ASMT: variants seen among roughly 807,000 people sequenced by gnomAD.
ASMT encodes the protein acetylserotonin N-methyltransferase.
In ASMT, 53 loss-of-function variants were observed where a neutral mutation model predicts 41.3. The observed-to-expected ratio is 1.28, with a 90% confidence interval of 1.03 to 1.61. The LOEUF is 1.61. Among genes scored for constraint, ASMT ranks in the 40% most tolerant of loss-of-function variants. The pLI is 0.00. For synonymous variants in ASMT, 231 were observed against 184.8 expected (o/e 1.25, Z -2.03); for missense variants, 531 against 441.3 (o/e 1.20, Z -1.82).
At chrX:1,623,113 C>A (rs751659544) in intron 1 of ASMT, 26 bp from the exon 2 acceptor site, 70 of 1,611,966 alleles carry the variant, frequency 4.3e-5, no homozygotes, top group Admixed American at 1.7e-4. Flanking sequence ...TGAGCCCTGA[C>A]CTTTTATTTC....
At chrX:1,634,940 A>G (rs1934902650) in intron 7 of ASMT, among the ~76,000 whole-genome samples, 1 of 148,960 alleles carries the variant, frequency 6.7e-6, no homozygotes, top group South Asian at 2.1e-4. Context: ...GCTGGGGATT[A>G]CAGGAGTGAG....
At chrX:1,625,551 A>AGGGAGGGTGGGAGGGAAAGGGG (rs1934504212) in intron 3 of ASMT, among the ~76,000 whole-genome samples, 1 of 65,288 alleles carries the variant, frequency 1.5e-5, no homozygotes, top group Non-Finnish European at 2.9e-5. Flanking sequence ...GAAGGGAGGG[A>AGGGAGGGTGGGAGGGAAAGGGG]GGGAGGGAGG....
Position 1,635,989 on chromosome X carries a change from G to T in ASMT, c.788-449G>T, listed in dbSNP as rs780117576. 4.8e-5 allele frequency among the ~76,000 whole-genome samples: 7 copies of T among 145,774 alleles called. No individual in the cohort carries two copies. The Admixed American group carries it at 4.9e-4, about 10-fold the overall frequency. ...TTTTTTTTTTTTTGGAGACAGTCTC[G>T]CTGTCGCCCAGGCTGGAGTGCAATG... On this transcript the variant is annotated intron_variant, in intron 7 of 8. Transcript: ENST00000381241.
chrX:1,622,257 G>T (rs1266516614), intron 1 of ASMT, among the ~76,000 whole-genome samples: 57 of 150,918 alleles, frequency 3.8e-4, no homozygotes, highest in Non-Finnish European at 6.8e-4. Flanking sequence ...CTCCCAAAGT[G>T]CTGGGATTAC....
intron 1 of ASMT, among the ~76,000 whole-genome samples, chrX:1,616,790 G>A (rs765935497): frequency 2.7e-5 from 4 of 150,016 alleles, no homozygotes; most frequent in African/African-American, 9.7e-5. Context: ...CTCACTGCAA[G>A]CTCCACCTCC....
Position 1,625,865 on chromosome X carries a change from A to G in ASMT, c.374+1467A>G, listed in dbSNP as rs753863123. 6.9e-3 allele frequency among the ~76,000 whole-genome samples: 1,044 copies of G among 150,426 alleles called. 11 individuals are homozygous for G. The highest frequency in any genetic ancestry group is 8.8e-3 in the Non-Finnish European group (597 of 67,772). Reference sequence around the variant, plus strand: ...GCTACTCGGAGAGGCTGAGGCAGGAAAATGGTGTGAACCCGGGAGGCGGAG... The same window carrying G: ...GCTACTCGGAGAGGCTGAGGCAGGAGAATGGTGTGAACCCGGGAGGCGGAG... On this transcript the variant is annotated intron_variant, in intron 3 of 8. Transcript: ENST00000381241.
At chrX:1,640,601 G>A (rs866740867) in intron 8 of ASMT, among the ~76,000 whole-genome samples, 2,440 of 23,530 alleles carry the variant, frequency 0.1, 97 homozygotes, top group Non-Finnish European at 0.15. Context: ...GAGGATGTGG[G>A]CACAGCCTCT....
chrX:1,628,276 G>C lies in ASMT; in HGVS notation c.443+505G>C, dbSNP rs191847746. On this transcript the variant is annotated intron_variant, in intron 4 of 8. Transcript: ENST00000381241. ...GCGGAGGTTGCGGTGATCTGAGATC[G>C]CACCACTGCACTCCAGCCTGGGCAA... Among the ~76,000 whole-genome samples, 917 of 152,242 alleles carry C rather than the reference G, an allele frequency of 6.0e-3. 10 individuals carry two copies. The highest frequency in any genetic ancestry group is 0.021 in the African/African-American group (878 of 41,530).
intron 3 of ASMT, 123 bp from the exon 4 acceptor site, chrX:1,627,580 C>T: frequency 2.0e-6 from 2 of 1,003,218 alleles, no homozygotes; most frequent in Non-Finnish European, 1.6e-6. Flanking sequence ...GAGATCGTGC[C>T]ATTGCACTCC....
intron 1 of ASMT, 134 bp from the exon 2 acceptor site, chrX:1,623,005 A>AAT: frequency 1.2e-6 from 1 of 810,486 alleles, no homozygotes. Context: ...TCTCAAAAAA[A>AAT]AAAATAAATA....
chrX:1,624,187 G>C, intron 2 of ASMT, 82 bp from the exon 3 acceptor site: 1 of 1,542,892 alleles, frequency 6.5e-7, no homozygotes, highest in Non-Finnish European at 9.0e-7. Flanking sequence ...TTGAAATCAC[G>C]ATGTTGTCGA....
intron 1 of ASMT, among the ~76,000 whole-genome samples, chrX:1,620,141 C>A (rs1414856807): frequency 4.9e-5 from 7 of 141,534 alleles, no homozygotes; most frequent in Admixed American, 4.3e-4. Flanking sequence ...GTTAATACAA[C>A]ATTAAAGAAC....
chrX:1,628,926 CTT>C (rs1304575371), intron 4 of ASMT, among the ~76,000 whole-genome samples: 2 of 120,852 alleles, frequency 1.7e-5, no homozygotes, highest in Admixed American at 1.7e-4. Context: ...CCGTTTCTCT[CTT>C]TCTTTCTCTC....
intron 1 of ASMT, among the ~76,000 whole-genome samples, chrX:1,619,456 G>A (rs1934257373): frequency 6.7e-6 from 1 of 150,058 alleles, no homozygotes; most frequent in Non-Finnish European, 1.5e-5. Context: ...CCTAATGTAG[G>A]TGACGGGTTG....
Position 1,636,451 on chromosome X carries a change from A to C in ASMT, c.801A>C (p.Lys267Asn). The C allele has an allele frequency of 6.2e-7, 1 of 1,613,868 alleles. No homozygotes were observed. Among genetic ancestry groups the C allele is most frequent in the Non-Finnish European group, 8.5e-7 (1 of 1,179,868 alleles). ...QIDFQEGDFF[K>N]DPLPEADLYI... ...CCTGTGTTCCAGGGGATTTCTTCAA[A>C]GACCCTCTTCCGGAAGCTGATCTGT... Residue 267 changes from lysine to asparagine, a missense_variant, in exon 8 of 9, where the codon AAA becomes AAC. Lys to Asn is a moderately conservative substitution (Grantham distance 94). Transcript: ENST00000381241.
At chrX:1,627,206 A>G (rs1266795802) in intron 3 of ASMT, among the ~76,000 whole-genome samples, 1 of 150,832 alleles carries the variant, frequency 6.6e-6, no homozygotes, top group Non-Finnish European at 1.5e-5. Context: ...GGTGCCTGTA[A>G]TCCCAGCTAC....
chrX:1,618,461 G>A (rs1259995389), intron 1 of ASMT, among the ~76,000 whole-genome samples: 1 of 151,238 alleles, frequency 6.6e-6, no homozygotes, highest in African/African-American at 2.4e-5. Flanking sequence ...ACTGCCTCTG[G>A]CTAATTTTTT....
chrX:1,615,822 A>C (rs1934073911), intron 1 of ASMT, among the ~76,000 whole-genome samples: 1 of 151,166 alleles, frequency 6.6e-6, no homozygotes, highest in African/African-American at 2.4e-5. Flanking sequence ...CAAACAAACA[A>C]CAAAAAAAAA....
At position 1,616,095 on chromosome X, in the gene ASMT, C is replaced by T. The variant is rs1190784540; in HGVS notation, c.69+827C>T. Among the ~76,000 whole-genome samples, 5 of 151,496 alleles carry T rather than the reference C, an allele frequency of 3.3e-5. No individual in the cohort carries two copies. The East Asian group carries it at 7.8e-4, about 24-fold the overall frequency. ...CCAGGCTGGAGTGCAGTGGCACGGT[C>T]TTGGCTCACTGCAACCTCCGCCTCC... On this transcript the variant is annotated intron_variant, in intron 1 of 8. Transcript: ENST00000381241.
Sources: allele counts gnomAD v4.1 joint callset (sites outside exome capture counted in the v4.1 genomes callset), GRCh38; gene constraint gnomAD v4.1.1; transcripts MANE v1.5; gene names NCBI Gene and HGNC (gene_info 2026-07-23, HGNC 2026-07-21).